Variants in SAMD11 observed in about 807,000 individuals in gnomAD.
SAMD11 encodes the protein sterile alpha motif domain containing 11.
SAMD11 carries 77 observed loss-of-function variants against 64.4 expected under a neutral mutation model. That is an observed-to-expected ratio of 1.20 (90% CI 0.99 to 1.44). SAMD11 has a LOEUF of 1.44. Ranked by LOEUF, SAMD11 falls within the 40% of genes most tolerant of loss-of-function variation. The pLI is 0.00. For synonymous variants in SAMD11, 658 were observed against 421.9 expected (o/e 1.56, Z -6.86); for missense variants, 1,402 against 943.3 (o/e 1.49, Z -6.37).
Position 930,311 on chromosome 1 carries a change from C to T in SAMD11, c.766C>T (p.Pro256Ser), listed in dbSNP as rs1251754601. Residue 256 changes from proline to serine, a missense_variant, in exon 3 of 14, where the codon CCG (proline) becomes TCG (serine). By Grantham distance (74) the Pro-to-Ser change is moderately conservative. Coordinates refer to ENST00000616016, the MANE Select transcript of SAMD11 (RefSeq NM_001385641.1). ...GCCAGGCTTGAAGCAGGAGGATGGT[C>T]CGCACATCCGTATCATGAAGAGAAG... The part of the protein sequence containing the change: ...RRPGLKQEDG[P>S]HIRIMKRRVH... The T allele has an allele frequency of 1.2e-6, 2 of 1,606,844 alleles. No homozygotes were observed. Among genetic ancestry groups the T allele is most frequent in the Non-Finnish European group, 1.7e-6 (2 of 1,177,122 alleles).
chr1:925,797 C>A (rs889893186), intron 1 of SAMD11, 125 bp from the exon 2 acceptor site: 5 of 688,358 alleles, frequency 7.3e-6, no homozygotes, highest in Non-Finnish European at 1.0e-5. Flanking sequence ...GAAGTCGGGC[C>A]GAGGTGGGTG....
At position 944,249 on chromosome 1, in the gene SAMD11, G is replaced by C. The variant is rs1453678370; in HGVS notation, c.*96G>C. ...CCACCGCTTTATTTCTTTCGGTTTCGGATGCAAAACAAAAAATTTTAAAAG... is the reference window on the plus strand; with the variant it reads ...CCACCGCTTTATTTCTTTCGGTTTCCGATGCAAAACAAAAAATTTTAAAAG... On this transcript the variant is annotated 3_prime_UTR_variant, in exon 14 of 14. Coordinates refer to ENST00000616016, the MANE Select transcript of SAMD11 (RefSeq NM_001385641.1). The C allele has an allele frequency of 1.1e-5, 16 of 1,453,138 alleles. No homozygotes were observed. The highest frequency in any genetic ancestry group is 7.9e-5 in the Admixed American group (3 of 37,800). 90.0% of individuals were successfully genotyped at this position (1,453,138 alleles called of 1,614,324 possible).
At chr1:935,578 C>T (rs1457349372) in intron 4 of SAMD11, among the ~76,000 whole-genome samples, 194 bp from the exon 5 acceptor site, 1 of 152,208 alleles carries the variant, frequency 6.6e-6, no homozygotes, top group South Asian at 2.1e-4. Flanking sequence ...GGTTCTGTGT[C>T]GCTTTGACTC....
Position 943,816 on chromosome 1 carries a change from G to T in SAMD11, c.2289+8G>T. ...CTCAAGATCCGGGCCCAGGTGAGAC[G>T]CTGGGGAGTGAGGTCAGGGTCTCCA... On this transcript the variant is annotated splice_region_variant and intron_variant, in intron 13 of 13. Coordinates refer to ENST00000616016, the MANE Select transcript of SAMD11 (RefSeq NM_001385641.1). 2 of 1,612,888 alleles carry T rather than the reference G, an allele frequency of 1.2e-6. No individual in the cohort carries two copies. The highest frequency in any genetic ancestry group is 1.7e-6 in the Non-Finnish European group (2 of 1,179,976).
Position 943,684 on chromosome 1 carries a change from C to T in SAMD11, c.2179-14C>T, listed in dbSNP as rs780385465. 6.5e-6 allele frequency: 10 copies of T among 1,549,120 alleles called. No individual in the cohort carries two copies. The East Asian group carries it at 1.8e-4, about 28-fold the overall frequency. On this transcript the variant is annotated splice_polypyrimidine_tract_variant and intron_variant, in intron 12 of 13. Transcript: ENST00000616016. ...AGCACCCGGGTCCTGACCCTCCCTC[C>T]CTCCCCCTTCCAGGTCTTCAGGGAG...
Position 942,785 on chromosome 1 carries a change from GC to G in SAMD11, c.1786del (p.Arg596GlyfsTer18). The G allele has an allele frequency of 1.3e-6, 2 of 1,539,276 alleles. No homozygotes were observed. Among genetic ancestry groups the G allele is most frequent in the Non-Finnish European group, 8.7e-7 (1 of 1,143,574 alleles). The part of the protein sequence containing the change: ...PTPSRDSARR[A>X]PRKGGPGPAS... Reference sequence around the variant, plus strand: ...CCCGTCCCGGGACTCTGCCCGGCGAGCCCCCCGGAAGGGGGGTCCCGGCCCT... The same window carrying G: ...CCCGTCCCGGGACTCTGCCCGGCGAGCCCCCGGAAGGGGGGTCCCGGCCCT... On this transcript the variant is annotated frameshift_variant, in exon 11 of 14. Coordinates refer to ENST00000616016, the MANE Select transcript of SAMD11 (RefSeq NM_001385641.1). LOFTEE classifies it high-confidence loss of function.
chr1:935,744 G>A (rs770856449), intron 4 of SAMD11, 28 bp from the exon 5 acceptor site: 3 of 1,612,506 alleles, frequency 1.9e-6, no homozygotes, highest in Non-Finnish European at 2.5e-6. Context: ...TGCCCACGGG[G>A]TCAGCTTTTC....
chr1:939,193 T>A, intron 6 of SAMD11, 64 bp downstream of exon 6: 1 of 1,551,670 alleles, frequency 6.4e-7, no homozygotes, highest in Non-Finnish European at 8.7e-7. Flanking sequence ...GAGGGTCCCC[T>A]GGACCTCGAG....
chr1:941,173 G>A lies in SAMD11; in HGVS notation c.1225G>A (p.Ala409Thr), dbSNP rs1641743575. Residue 409 changes from alanine to threonine, a missense_variant, in exon 8 of 14, where the codon GCT becomes ACT. Transcript: ENST00000616016. ...DLLRVRQEVA[A>T]AALRGPSGLE... Reference sequence around the variant, plus strand: ...CCTGAGGGTCCGGCAGGAGGTGGCGGCTGCAGCTCTGAGGGGCCCCAGTGG... The same window carrying A: ...CCTGAGGGTCCGGCAGGAGGTGGCGACTGCAGCTCTGAGGGGCCCCAGTGG... 2.5e-6 allele frequency: 4 copies of A among 1,601,890 alleles called. No individual in the cohort carries two copies. Among genetic ancestry groups the A allele is most frequent in the African/African-American group, 1.3e-5 (1 of 74,794 alleles).
rs745576729 is a variant in SAMD11 at position 942,435 on chromosome 1, G to A, written c.1500G>A (p.Gln500=). 4.6e-5 allele frequency: 69 copies of A among 1,486,562 alleles called. No homozygotes were observed. In the African/African-American group the frequency reaches 8.4e-4, roughly 18 times the overall value. The allele number at this position is 1,486,562 out of a possible 1,614,324, so 92.1% of individuals were successfully genotyped here. A position where few individuals can be genotyped will look rare whatever the true frequency, so the allele number is the denominator to read the frequency against. ...TPGYGFLPPA[Q]AEMFAWQQEL... ...GCTACGGCTTCCTGCCCCCCGCGCA[G>A]GCGGAGATGTTCGCCTGGCAGCAGG... The change falls in exon 10 of 14, where the codon CAG becomes CAA. Residue 500 remains glutamine (Q), a synonymous_variant. Transcript: ENST00000616016.
chr1:932,262 C>T (rs1287243317), intron 4 of SAMD11, among the ~76,000 whole-genome samples: 4 of 152,254 alleles, frequency 2.6e-5, no homozygotes, highest in Admixed American at 1.3e-4. Flanking sequence ...AGCCGCGGTC[C>T]CCCCGACCCC....
chr1:931,167 G>A, intron 4 of SAMD11, 78 bp downstream of exon 4: 1 of 1,176,312 alleles, frequency 8.5e-7, no homozygotes, highest in African/African-American at 1.6e-5. Context: ...GTGCCCTGCT[G>A]TCTGCTGTCC....
chr1:942,270 A>G lies in SAMD11; in HGVS notation c.1474+19A>G. 9.3e-7 allele frequency: 1 copy of G among 1,071,880 alleles called. No homozygotes were observed. Among genetic ancestry groups the G allele is most frequent in the Non-Finnish European group, 1.3e-6 (1 of 799,820 alleles). 66.4% of individuals were successfully genotyped at this position (1,071,880 alleles called of 1,614,324 possible). A position where few individuals can be genotyped will look rare whatever the true frequency, so the allele number is the denominator to read the frequency against. On this transcript the variant is annotated intron_variant, in intron 9 of 13. Transcript: ENST00000616016. ...ACCCCAGGTGAGGAGGCGGGTGCGC[A>G]TCCCCTGGGAGCCCGCGTGGAGGCT...
At chr1:938,757 G>C (rs764415656) in intron 5 of SAMD11, among the ~76,000 whole-genome samples, 3 of 152,222 alleles carry the variant, frequency 2.0e-5, no homozygotes, top group Non-Finnish European at 4.4e-5. Flanking sequence ...TTGCACAAGA[G>C]GCTAGATGGC....
chr1:926,172 C>G (rs930146348), intron 2 of SAMD11, among the ~76,000 whole-genome samples, 159 bp downstream of exon 2: 2 of 152,304 alleles, frequency 1.3e-5, no homozygotes, highest in African/African-American at 4.8e-5. Context: ...TTACCTCGTG[C>G]TCTCCCAGCC....
intron 2 of SAMD11, among the ~76,000 whole-genome samples, chr1:926,851 A>G (rs1166181663): frequency 6.6e-6 from 1 of 152,028 alleles, no homozygotes; most frequent in African/African-American, 2.4e-5. Flanking sequence ...TTCCTGACAC[A>G]CTCAGGAACC....
In SAMD11 at chr1:930,199, C is replaced by T. The variant is rs764574771; in HGVS notation, c.654C>T (p.Ala218=). The T allele has an allele frequency of 2.3e-5, 36 of 1,566,214 alleles. No homozygotes were observed. The highest frequency in any genetic ancestry group is 1.5e-4 in the Admixed American group (8 of 52,780). Residue 218 remains alanine (A), a synonymous_variant, in exon 3 of 14, where the codon GCC becomes GCT. Coordinates refer to ENST00000616016, the MANE Select transcript of SAMD11 (RefSeq NM_001385641.1). The stretch of plus-strand genomic sequence containing the variant: ...ACAAGAGGACAGTCGCCCTGCCTGC[C>T]GCCCGGAACCTGAAGAAGGAGCGAA... ...LADKRTVALP[A]ARNLKKERTP...
At position 944,536 on chromosome 1, in the gene SAMD11, G is replaced by A. The variant is rs540640621; in HGVS notation, c.*383G>A. 214 of 626,444 alleles carry A rather than the reference G, an allele frequency of 3.4e-4. 1 individual carries two copies. Among genetic ancestry groups the A allele is most frequent in the African/African-American group, 3.4e-3 (183 of 53,692 alleles). The allele number at this position is 626,444 out of a possible 1,614,324, so 38.8% of individuals were successfully genotyped here. On this transcript the variant is annotated 3_prime_UTR_variant, in exon 14 of 14. Coordinates refer to ENST00000616016, the MANE Select transcript of SAMD11 (RefSeq NM_001385641.1). Reference sequence around the variant, plus strand: ...CCCAGCCCAGCCCAGCTCTCGATACGTTTGGTCTTTCATGCTGAAAAATAA... The same window carrying A: ...CCCAGCCCAGCCCAGCTCTCGATACATTTGGTCTTTCATGCTGAAAAATAA...
At chr1:943,195 G>T in intron 11 of SAMD11, 58 bp from the exon 12 acceptor site, 1 of 1,609,342 alleles carries the variant, frequency 6.2e-7, no homozygotes, top group Admixed American at 1.7e-5. Flanking sequence ...CGACGGTCAG[G>T]AGACGGGCGG....
Sources: gnomAD v4.1 joint callset for allele counts (sites outside exome capture counted in the v4.1 genomes callset) on GRCh38, gnomAD v4.1.1 for gene constraint, MANE v1.5 for transcripts, NCBI Gene and HGNC (gene_info 2026-07-23, HGNC 2026-07-21) for gene names.